ANKS1B: variants seen among roughly 807,000 people sequenced by gnomAD.
ANKS1B encodes ankyrin repeat and sterile alpha motif domain containing 1B.
In ANKS1B, 36 loss-of-function variants were observed where a neutral mutation model predicts 148.3. That is an observed-to-expected ratio of 0.24 (90% CI 0.19 to 0.32). The LOEUF is 0.32. ANKS1B is among the 10% of genes least tolerant of loss of function. ANKS1B has a pLI of 1.00. For missense variants in ANKS1B, 1,157 were observed against 1,542.6 expected, an observed-to-expected ratio of 0.75 and a Z score of 4.19; for synonymous variants, 542 against 560.8, an observed-to-expected ratio of 0.97 and a Z score of 0.47.
intron 12 of ANKS1B, among the ~76,000 whole-genome samples, chr12:99,299,625 T>A (rs1279001695): frequency 6.6e-6 from 1 of 152,190 alleles, no homozygotes; most frequent in African/African-American, 2.4e-5. Context: ...TATAACACCT[T>A]AACTTTCAAT....
chr12:98,906,239 A>C (rs1365293960), intron 17 of ANKS1B, among the ~76,000 whole-genome samples: 1 of 152,172 alleles, frequency 6.6e-6, no homozygotes, highest in Admixed American at 6.5e-5. Flanking sequence ...GAATGCTCTT[A>C]TAACTACTGC....
chr12:99,565,961 T>TG (rs1255993955), intron 9 of ANKS1B, among the ~76,000 whole-genome samples: 1 of 152,126 alleles, frequency 6.6e-6, no homozygotes, highest in Non-Finnish European at 1.5e-5. Flanking sequence ...CAGGTTTGTG[T>TG]GAAAAAATCA....
chr12:99,862,481 T>C (rs2090161922), intron 1 of ANKS1B, among the ~76,000 whole-genome samples: 1 of 152,222 alleles, frequency 6.6e-6, no homozygotes, highest in East Asian at 1.9e-4. Context: ...AAAATACTTC[T>C]TATGTTTGTC....
intron 16 of ANKS1B, among the ~76,000 whole-genome samples, chr12:99,062,867 T>C (rs1034137577): frequency 1.3e-5 from 2 of 152,172 alleles, no homozygotes; most frequent in African/African-American, 4.8e-5. Context: ...CCCTCCTTTC[T>C]TGAAATTACG....
intron 1 of ANKS1B, among the ~76,000 whole-genome samples, chr12:99,955,715 A>G (rs373016744): frequency 2.0e-5 from 3 of 152,060 alleles, no homozygotes; most frequent in South Asian, 2.1e-4. Flanking sequence ...ATTTAAACCA[A>G]CTGAATTCTG....
At chr12:99,311,979 GA>G (rs199661324) in intron 12 of ANKS1B, among the ~76,000 whole-genome samples, 1 of 152,006 alleles carries the variant, frequency 6.6e-6, no homozygotes, top group East Asian at 1.9e-4. Context: ...AAGGAAAAAT[GA>G]AAAAAGTATG....
intron 9 of ANKS1B, among the ~76,000 whole-genome samples, chr12:99,539,561 C>T (rs2097105639): frequency 6.6e-6 from 1 of 151,688 alleles, no homozygotes; most frequent in Admixed American, 6.6e-5. Flanking sequence ...CAAAGGAAGG[C>T]AGTAATGGAG....
At chr12:98,773,371 T>C in intron 24 of ANKS1B, among the ~76,000 whole-genome samples, 192 bp from the exon 25 acceptor site, 1 of 152,212 alleles carries the variant, frequency 6.6e-6, no homozygotes, top group East Asian at 1.9e-4. Context: ...TTTCATTTAA[T>C]TAAAAACAAC....
rs79103480 is a variant in ANKS1B at position 99,552,970 on chromosome 12, C to T, written c.1273-48329G>A. On this transcript the variant is annotated intron_variant, in intron 9 of 26. Coordinates refer to ENST00000683438, the MANE Select transcript of ANKS1B (RefSeq NM_001352186.2). ...CTATTTTTTTCCAAATGTTTTCCAC[C>T]CATGGTTGATGAATCCATGAATGCA... 1.4e-4 allele frequency among the ~76,000 whole-genome samples: 22 copies of T among 152,180 alleles called. 1 individual carries two copies. In the East Asian group the frequency reaches 4.2e-3, roughly 29 times the overall value.
intron 14 of ANKS1B, among the ~76,000 whole-genome samples, chr12:99,231,432 G>C (rs1421071882): frequency 6.6e-6 from 1 of 151,998 alleles, no homozygotes; most frequent in Non-Finnish European, 1.5e-5. Flanking sequence ...GAAAAATCAG[G>C]GTTTGAAGCA....
At chr12:98,894,933 C>T (rs1285208411) in intron 17 of ANKS1B, 3 of 903,564 alleles carry the variant, frequency 3.3e-6, no homozygotes, top group Admixed American at 6.4e-5. Context: ...CCCCCCACCC[C>T]CCGCCGCGCG....
chr12:99,145,016 C>T (rs2072512467), intron 15 of ANKS1B, among the ~76,000 whole-genome samples: 1 of 152,036 alleles, frequency 6.6e-6, no homozygotes, highest in South Asian at 2.1e-4. Context: ...CTACTATGTG[C>T]TAGTAACTGG....
chr12:99,474,172 G>A (rs193151042), intron 10 of ANKS1B, among the ~76,000 whole-genome samples: 1 of 152,044 alleles, frequency 6.6e-6, no homozygotes, highest in African/African-American at 2.4e-5. Context: ...CATATATACT[G>A]TTCTTGTACT....
chr12:99,472,313 A>G (rs1319861830), intron 10 of ANKS1B, among the ~76,000 whole-genome samples: 2 of 152,020 alleles, frequency 1.3e-5, no homozygotes. Flanking sequence ...TTCTTCCATC[A>G]TTTCTTCATA....
At chr12:99,383,084 T>C (rs992185361) in intron 12 of ANKS1B, among the ~76,000 whole-genome samples, 2 of 152,124 alleles carry the variant, frequency 1.3e-5, no homozygotes, top group Admixed American at 6.5e-5. Flanking sequence ...CTGACTTACC[T>C]GTAACAACTA....
Position 99,379,161 on chromosome 12 carries a change from A to G in ANKS1B, c.1756+20470T>C, listed in dbSNP as rs570188445. Among the ~76,000 whole-genome samples the G allele has an allele frequency of 1.1e-4, 17 of 152,388 alleles. No individual in the cohort carries two copies. The South Asian group carries it at 3.5e-3, about 32-fold the overall frequency. On this transcript the variant is annotated intron_variant, in intron 12 of 26. Transcript: ENST00000683438. Reference sequence around the variant, plus strand: ...CTTCTCGAGGTCTATTTACAGACTAAGAATTACAAAATAAAAGATCTAGTG... The same window carrying G: ...CTTCTCGAGGTCTATTTACAGACTAGGAATTACAAAATAAAAGATCTAGTG...
intron 4 of ANKS1B, among the ~76,000 whole-genome samples, chr12:99,796,565 A>C (rs771835450): frequency 5.9e-5 from 9 of 151,972 alleles, no homozygotes; most frequent in Non-Finnish European, 7.4e-5. Flanking sequence ...TCCTATGAGA[A>C]ACATATTAAA....
chr12:99,211,662 A>T (rs1044967303), intron 14 of ANKS1B, among the ~76,000 whole-genome samples: 2 of 152,254 alleles, frequency 1.3e-5, no homozygotes, highest in African/African-American at 4.8e-5. Context: ...CTACTTGATC[A>T]TTCTCCTCTT....
At chr12:99,836,512 A>G (rs1281670282) in intron 1 of ANKS1B, among the ~76,000 whole-genome samples, 1 of 152,192 alleles carries the variant, frequency 6.6e-6, no homozygotes, top group Non-Finnish European at 1.5e-5. Context: ...GCAAATGCGA[A>G]TTGAATGACT....
Sources: gnomAD v4.1 joint callset for allele counts (sites outside exome capture counted in the v4.1 genomes callset) on GRCh38, gnomAD v4.1.1 for gene constraint, MANE v1.5 for transcripts, NCBI Gene and HGNC (gene_info 2026-07-23, HGNC 2026-07-21) for gene names.